Variants in SPRYD7 observed in about 807,000 individuals in gnomAD.
SPRYD7 encodes the protein SPRY domain-containing protein 7.
SPRYD7 carries 14 observed loss-of-function variants against 23.8 expected under a neutral mutation model. The ratio of observed to expected loss-of-function variants is 0.59; its 90% CI spans 0.39 to 0.92. The LOEUF (loss-of-function observed/expected upper bound fraction) is 0.92. Among genes scored for constraint, SPRYD7 ranks in the 40% least tolerant of loss-of-function variants. The pLI is 0.00. For missense variants in SPRYD7, 194 were observed against 241.7 expected, an observed-to-expected ratio of 0.80 and a Z score of 1.31; for synonymous variants, 75 against 84.9, an observed-to-expected ratio of 0.88 and a Z score of 0.64.
At chr13:49,923,332 T>G (rs1030032780) in intron 3 of SPRYD7, among the ~76,000 whole-genome samples, 38 of 152,056 alleles carry the variant, frequency 2.5e-4, no homozygotes, top group African/African-American at 8.2e-4. Context: ...CAACCTCCAC[T>G]TCCCAGGTTC....
intron 3 of SPRYD7, among the ~76,000 whole-genome samples, chr13:49,924,545 G>A (rs1955857396): frequency 6.6e-6 from 1 of 152,002 alleles, no homozygotes; most frequent in Non-Finnish European, 1.5e-5. Flanking sequence ...GAGCTCAAGG[G>A]ATCCTTCTGC....
intron 4 of SPRYD7, among the ~76,000 whole-genome samples, chr13:49,920,648 C>T (rs1955807287): frequency 6.6e-6 from 1 of 152,092 alleles, no homozygotes; most frequent in Non-Finnish European, 1.5e-5. Flanking sequence ...TAATATCCTA[C>T]CGACTACAAT....
At chr13:49,932,025 T>G (rs1332881542) in intron 1 of SPRYD7, among the ~76,000 whole-genome samples, 2 of 152,204 alleles carry the variant, frequency 1.3e-5, no homozygotes, top group Non-Finnish European at 2.9e-5. Flanking sequence ...ATAGACTAAC[T>G]CTTTTAATTT....
At chr13:49,935,923 C>G (rs1196048248) in intron 1 of SPRYD7, among the ~76,000 whole-genome samples, 1 of 152,114 alleles carries the variant, frequency 6.6e-6, no homozygotes, top group African/African-American at 2.4e-5. Context: ...CGATGACAGA[C>G]ACAGAGAGGG....
chr13:49,931,369 T>C (rs1212174227), intron 1 of SPRYD7, among the ~76,000 whole-genome samples: 1 of 152,052 alleles, frequency 6.6e-6, no homozygotes, highest in Non-Finnish European at 1.5e-5. Flanking sequence ...TTAGTAGAGA[T>C]GGGGGTTTCA....
chr13:49,930,255 G>C (rs1356146686), intron 2 of SPRYD7, among the ~76,000 whole-genome samples: 1 of 152,044 alleles, frequency 6.6e-6, no homozygotes, highest in African/African-American at 2.4e-5. Context: ...TGAATTTGAT[G>C]ACTGCTTCAA....
rs1369207564 is a variant in SPRYD7, at chr13:49,913,138, C to T, written c.*1925G>A. On this transcript the variant is annotated 3_prime_UTR_variant, in exon 5 of 5. Coordinates refer to ENST00000361840, the MANE Select transcript of SPRYD7 (RefSeq NM_020456.4). Reference sequence around the variant, plus strand: ...TGAGAAGCATCATGAGAACCACTTTCTGGCTGGGTGTGGTGGCTTACGCCT... The same window carrying T: ...TGAGAAGCATCATGAGAACCACTTTTTGGCTGGGTGTGGTGGCTTACGCCT... 1 of 152,206 alleles carries T rather than the reference C, an allele frequency of 6.6e-6. No homozygotes were observed. The highest frequency in any genetic ancestry group is 1.5e-5 in the Non-Finnish European group (1 of 68,076). 9.4% of individuals were successfully genotyped at this position (152,206 alleles called of 1,614,324 possible).
intron 4 of SPRYD7, among the ~76,000 whole-genome samples, chr13:49,915,694 G>A (rs960763508): frequency 4.6e-5 from 7 of 152,018 alleles, no homozygotes; most frequent in African/African-American, 1.7e-4. Context: ...TGTTTTTACC[G>A]GTATTTACTC....
intron 4 of SPRYD7, among the ~76,000 whole-genome samples, chr13:49,919,827 G>T (rs1182268831): frequency 6.9e-6 from 1 of 145,920 alleles, no homozygotes; most frequent in Non-Finnish European, 1.5e-5. Flanking sequence ...AAAAGAAAGA[G>T]ACCTTTTTTT....
chr13:49,916,462 T>C (rs983759686), intron 4 of SPRYD7, among the ~76,000 whole-genome samples: 3 of 151,886 alleles, frequency 2.0e-5, no homozygotes, highest in African/African-American at 7.3e-5. Flanking sequence ...CTGAATTGGG[T>C]TGCAGAACAA....
chr13:49,925,708 A>G (rs1955875036), intron 3 of SPRYD7, among the ~76,000 whole-genome samples: 1 of 151,610 alleles, frequency 6.6e-6, no homozygotes, highest in African/African-American at 2.4e-5. Context: ...GCTACTCAGG[A>G]GGCTGAGGCA....
intron 3 of SPRYD7, among the ~76,000 whole-genome samples, chr13:49,927,070 C>T (rs1955889823): frequency 6.6e-6 from 1 of 151,774 alleles, no homozygotes; most frequent in Admixed American, 6.6e-5. Flanking sequence ...AAAAAAAAAA[C>T]TTTTCTACGA....
rs1353552298 is a variant in SPRYD7 at position 49,912,778 on chromosome 13, A to G, written c.*2285T>C. ...TCTTTACAAATTAAAATTATGATAG[A>G]AAGCCAGACAAAATGCATAATACAT... On this transcript the variant is annotated 3_prime_UTR_variant, in exon 5 of 5. Transcript: ENST00000361840. The G allele has an allele frequency of 1.3e-5, 2 of 152,228 alleles. No individual in the cohort carries two copies. Among genetic ancestry groups the G allele is most frequent in the South Asian group, 2.1e-4 (1 of 4,832 alleles). 9.4% of individuals were successfully genotyped at this position (152,228 alleles called of 1,614,324 possible).
chr13:49,935,388 AAAT>A (rs1386785766), intron 1 of SPRYD7, among the ~76,000 whole-genome samples: 1 of 152,214 alleles, frequency 6.6e-6, no homozygotes, highest in Non-Finnish European at 1.5e-5. Context: ...AAAGTCTAAG[AAAT>A]AATAAGGTGG....
chr13:49,919,920 GAAC>G (rs1955799318), intron 4 of SPRYD7, among the ~76,000 whole-genome samples: 1 of 151,566 alleles, frequency 6.6e-6, no homozygotes, highest in African/African-American at 2.4e-5. Flanking sequence ...GGTAAGTGAA[GAAC>G]AATAGCAGCA....
intron 3 of SPRYD7, among the ~76,000 whole-genome samples, chr13:49,927,494 A>C (rs918492102): frequency 7.1e-6 from 1 of 141,774 alleles, no homozygotes; most frequent in Non-Finnish European, 1.6e-5. Flanking sequence ...AGACTCTAAG[A>C]AAAAAAAAAA....
At chr13:49,928,789 G>A (rs561869480) in intron 2 of SPRYD7, among the ~76,000 whole-genome samples, 2 of 152,252 alleles carry the variant, frequency 1.3e-5, no homozygotes, top group African/African-American at 4.8e-5. Flanking sequence ...ATCTCAAAAA[G>A]ATTTTTTAAA....
In SPRYD7 at chr13:49,928,094, A is replaced by G. The variant is rs371072896; in HGVS notation, c.224-9T>C. ...ACCAATACCCCAGATTCCTAAAAAT[A>G]TAACAGTTTAAATGCCCTCAAAATC... is the stretch of plus-strand genomic sequence containing the variant. On this transcript the variant is annotated splice_polypyrimidine_tract_variant and intron_variant, in intron 2 of 4. Transcript: ENST00000361840. 215 of 1,612,332 alleles carry G rather than the reference A, an allele frequency of 1.3e-4. No homozygotes were observed. The highest frequency in any genetic ancestry group is 1.7e-4 in the Non-Finnish European group (205 of 1,179,250).
intron 3 of SPRYD7, among the ~76,000 whole-genome samples, chr13:49,924,577 G>C (rs1955857792): frequency 6.6e-6 from 1 of 152,064 alleles, no homozygotes; most frequent in African/African-American, 2.4e-5. Context: ...AAAGTGCTAG[G>C]ATTACAGGCA....
Sources: gnomAD v4.1 joint callset for allele counts (sites outside exome capture counted in the v4.1 genomes callset) on GRCh38, gnomAD v4.1.1 for gene constraint, MANE v1.5 for transcripts, NCBI Gene and HGNC (gene_info 2026-07-23, HGNC 2026-07-21) for gene names.